ST6GAL2: variants seen among roughly 807,000 people sequenced by gnomAD.
ST6GAL2 encodes ST6 beta-galactoside alpha-2,6-sialyltransferase 2.
In ST6GAL2, 24 loss-of-function variants were observed where a neutral mutation model predicts 37.5. The ratio of observed to expected loss-of-function variants is 0.64; its 90% CI spans 0.46 to 0.90. ST6GAL2 has a LOEUF of 0.90. ST6GAL2 is among the 40% of genes least tolerant of loss of function. ST6GAL2 has a pLI of 0.00. For missense variants in ST6GAL2, 715 were observed against 712.7 expected (o/e 1.00, Z -0.04); for synonymous variants, 306 against 295.1 (o/e 1.04, Z -0.38).
rs1558668364 is a variant in ST6GAL2, at chr2:106,803,615, CA to C, written c.*3062del. Reference sequence around the variant, plus strand: ...CTGCTCAAAATTTGTTTCTTTGTAACAACAACAACAACAACAACAACAACAA... The same window carrying C: ...CTGCTCAAAATTTGTTTCTTTGTAACACAACAACAACAACAACAACAACAA... On this transcript the variant is annotated 3_prime_UTR_variant, in exon 6 of 6. Transcript: ENST00000409382. The C allele has an allele frequency of 1.6e-3, 9 of 5,472 alleles. No individual in the cohort carries two copies. The highest frequency in any genetic ancestry group is 4.3e-3 in the Non-Finnish European group (8 of 1,866). The allele number at this position is 5,472 out of a possible 1,614,324, so 0.3% of individuals were successfully genotyped here.
At chr2:106,809,526 A>C (rs1333999986) in intron 5 of ST6GAL2, among the ~76,000 whole-genome samples, 2 of 152,212 alleles carry the variant, frequency 1.3e-5, no homozygotes, top group Non-Finnish European at 2.9e-5. Context: ...TCTTATACTT[A>C]GGGGAGTATG....
intron 5 of ST6GAL2, among the ~76,000 whole-genome samples, chr2:106,815,563 AAG>A (rs775243276): frequency 6.6e-6 from 1 of 152,230 alleles, no homozygotes; most frequent in Non-Finnish European, 1.5e-5. Flanking sequence ...CTGTTTGGGA[AAG>A]AGTCTTATTT....
intron 2 of ST6GAL2, chr2:106,834,838 T>C (rs1676569681): frequency 6.6e-6 from 1 of 152,322 alleles, no homozygotes; most frequent in African/African-American, 2.4e-5. Context: ...AGGGCTCTTA[T>C]GTTCTATAAC....
rs145642190 is a variant in ST6GAL2, at chr2:106,832,136, T to C, written c.1143+429A>G. On this transcript the variant is annotated intron_variant, in intron 4 of 5. Coordinates refer to ENST00000409382, the MANE Select transcript of ST6GAL2 (RefSeq NM_001142351.2). Reference sequence around the variant, plus strand: ...CAAGAAGAGCCTGGAACAGGCCCCATTTAAATAAAAATGAGCTGTGGATTC... The same window carrying C: ...CAAGAAGAGCCTGGAACAGGCCCCACTTAAATAAAAATGAGCTGTGGATTC... 2.8e-3 allele frequency among the ~76,000 whole-genome samples: 424 copies of C among 152,332 alleles called. 9 individuals are homozygous for C. The South Asian group carries it at 0.033, about 12-fold the overall frequency.
rs758410165 is a variant in ST6GAL2 at position 106,843,383 on chromosome 2, TGGA to T, written c.592_594del (p.Ser198del). 384 of 1,614,028 alleles carry T rather than the reference TGGA, an allele frequency of 2.4e-4. 2 individuals are homozygous for T. The highest frequency in any genetic ancestry group is 7.0e-4 in the Admixed American group (42 of 60,010). On this transcript the variant is annotated inframe_deletion, in exon 2 of 6. Coordinates refer to ENST00000409382, the MANE Select transcript of ST6GAL2 (RefSeq NM_001142351.2). ...AGCCGGTACAGGAAGGCCCTGGACA[TGGA>T]GGAGTACAGCCTGTCGCCGTCGTCG...
chr2:106,867,994 C>T (rs537615605), intron 1 of ST6GAL2, among the ~76,000 whole-genome samples: 52 of 152,080 alleles, frequency 3.4e-4, no homozygotes, highest in Non-Finnish European at 6.9e-4. Context: ...AAGGCAAGAG[C>T]GAAACTAACA....
chr2:106,820,369 A>T (rs1007769074), intron 5 of ST6GAL2, among the ~76,000 whole-genome samples: 11 of 151,904 alleles, frequency 7.2e-5, no homozygotes, highest in Non-Finnish European at 1.5e-4. Context: ...AAAAACCTAT[A>T]AAAAAAAGAC....
At chr2:106,882,488 G>A (rs1257710835) in intron 1 of ST6GAL2, among the ~76,000 whole-genome samples, 1 of 152,212 alleles carries the variant, frequency 6.6e-6, no homozygotes. Flanking sequence ...TACATCATAA[G>A]TGCAAATTAG....
rs1677046042 is a variant in ST6GAL2, at chr2:106,843,972, T to C, written c.6A>G (p.Lys2=). The change falls in exon 2 of 6, where the codon AAA becomes AAG. Residue 2 remains lysine (K), a synonymous_variant. Transcript: ENST00000409382. M[K]PHLKQWRQRM... ...GTTGTCTCCATTGCTTCAAGTGTGG[T>C]TTCATGGCAGGTCTCTGCGGTCAGC... is the stretch of plus-strand genomic sequence containing the variant. 6.4e-7 allele frequency: 1 copy of C among 1,573,082 alleles called. No homozygotes were observed. The highest frequency in any genetic ancestry group is 8.6e-7 in the Non-Finnish European group (1 of 1,161,114).
chr2:106,871,348 G>A (rs1324169762), intron 1 of ST6GAL2, among the ~76,000 whole-genome samples: 1 of 152,170 alleles, frequency 6.6e-6, no homozygotes, highest in Admixed American at 6.5e-5. Context: ...ACTTGCTACT[G>A]TAGACTTTAT....
chr2:106,807,772 C>T (rs1232819604), intron 5 of ST6GAL2, among the ~76,000 whole-genome samples: 3 of 152,022 alleles, frequency 2.0e-5, no homozygotes, highest in South Asian at 2.1e-4. Context: ...CTACAGGCGC[C>T]CACCACCACG....
At chr2:106,849,167 T>C (rs1677259041) in intron 1 of ST6GAL2, among the ~76,000 whole-genome samples, 1 of 152,162 alleles carries the variant, frequency 6.6e-6, no homozygotes, top group South Asian at 2.1e-4. Context: ...TTAATCATAT[T>C]TCCTGAACCT....
chr2:106,806,560 TA>T lies in ST6GAL2; in HGVS notation c.*117del. 1 of 1,136,114 alleles carries T rather than the reference TA, an allele frequency of 8.8e-7. No homozygotes were observed. The highest frequency in any genetic ancestry group is 1.3e-6 in the Non-Finnish European group (1 of 792,452). 70.4% of individuals were successfully genotyped at this position (1,136,114 alleles called of 1,614,324 possible). A position where few individuals can be genotyped will look rare whatever the true frequency, so the allele number is the denominator to read the frequency against. On this transcript the variant is annotated 3_prime_UTR_variant, in exon 6 of 6. Transcript: ENST00000409382. ...AGAGAAGGATTATCATGACCACCAC[TA>T]AATTACTGTTTAAAGACTCAAAACT...
At chr2:106,854,672 G>A (rs867117595) in intron 1 of ST6GAL2, among the ~76,000 whole-genome samples, 3 of 151,976 alleles carry the variant, frequency 2.0e-5, no homozygotes, top group Admixed American at 6.6e-5. Flanking sequence ...AACACGCCCC[G>A]GTTTAGATAA....
intron 1 of ST6GAL2, among the ~76,000 whole-genome samples, chr2:106,875,170 GTTTCT>G (rs1678449869): frequency 7.3e-6 from 1 of 137,340 alleles, no homozygotes; most frequent in African/African-American, 2.7e-5. Context: ...TACTTTTTTT[GTTTCT>G]TTTTTTTTTT....
intron 1 of ST6GAL2, among the ~76,000 whole-genome samples, chr2:106,847,089 C>T (rs556716167): frequency 1.5e-4 from 23 of 152,322 alleles, no homozygotes; most frequent in African/African-American, 5.5e-4. Flanking sequence ...TTTACACTCC[C>T]CAAACTATCT....
Position 106,830,198 on chromosome 2 carries a change from G to C in ST6GAL2, c.1186C>G (p.Gln396Glu). 6.2e-7 allele frequency: 1 copy of C among 1,613,572 alleles called. No homozygotes were observed. Among genetic ancestry groups the C allele is most frequent in the Non-Finnish European group, 8.5e-7 (1 of 1,180,000 alleles). Residue 396 changes from glutamine to glutamate, a missense_variant, in exon 5 of 6, where the codon CAG becomes GAG. Gln to Glu is a conservative substitution (Grantham distance 29, BLOSUM62 2). This residue lies in a region of ST6GAL2 where 198 missense variants were observed against 203.6 expected (regional missense o/e 0.97). Coordinates refer to ENST00000409382, the MANE Select transcript of ST6GAL2 (RefSeq NM_001142351.2). Reference protein sequence around the residue: ...PDYNLFTPYIQHRQRNPNQPF... With the variant: ...PDYNLFTPYIEHRQRNPNQPF... ...TGATTTGGGTTTCTCTGACGATGCTGAATATATGGAGTGAACAGGTTGTAA... is the reference window on the plus strand; with the variant it reads ...TGATTTGGGTTTCTCTGACGATGCTCAATATATGGAGTGAACAGGTTGTAA...
chr2:106,885,777 A>C (rs1196079732), intron 1 of ST6GAL2: 1 of 152,170 alleles, frequency 6.6e-6, no homozygotes, highest in African/African-American at 2.4e-5. Context: ...TTTAACCTTT[A>C]AGAAGTGCAG....
intron 1 of ST6GAL2, among the ~76,000 whole-genome samples, chr2:106,854,383 CT>C (rs1404312860): frequency 6.6e-6 from 1 of 152,192 alleles, no homozygotes; most frequent in Non-Finnish European, 1.5e-5. Context: ...GTGCTTAGCA[CT>C]GTGCCTGGCC....
Sources: allele counts gnomAD v4.1 joint callset (sites outside exome capture counted in the v4.1 genomes callset), GRCh38; gene constraint gnomAD v4.1.1; regional missense constraint gnomAD v4.1.1; transcripts MANE v1.5; gene names NCBI Gene and HGNC (gene_info 2026-07-23, HGNC 2026-07-21).